Variants in TSPAN18 observed in about 807,000 individuals in gnomAD.
TSPAN18 encodes the protein tetraspanin-18.
In TSPAN18, 14 loss-of-function variants were observed where a neutral mutation model predicts 27.3. That is an observed-to-expected ratio of 0.51 (90% confidence interval 0.34 to 0.80). The LOEUF (loss-of-function observed/expected upper bound fraction) is 0.80. Ranked by LOEUF, TSPAN18 falls within the 30% of genes least tolerant of loss-of-function variation. TSPAN18 has a pLI of 0.01. For missense variants in TSPAN18, 268 were observed against 323.9 expected, an observed-to-expected ratio of 0.83 and a Z score of 1.32; for synonymous variants, 143 against 136.5, an observed-to-expected ratio of 1.05 and a Z score of -0.33.
chr11:44,875,470 T>A (rs1858304894), intron 3 of TSPAN18, among the ~76,000 whole-genome samples: 1 of 152,168 alleles, frequency 6.6e-6, no homozygotes, highest in Non-Finnish European at 1.5e-5. Context: ...CACCAGGAAA[T>A]CTTACCTACC....
chr11:44,863,430 G>GCCT (rs1310055792), intron 3 of TSPAN18, among the ~76,000 whole-genome samples: 2 of 152,204 alleles, frequency 1.3e-5, no homozygotes, highest in African/African-American at 4.8e-5. Context: ...GTTTAGTAGC[G>GCCT]CCTCCCTTTT....
At chr11:44,878,714 G>A (rs1858408139) in intron 3 of TSPAN18, among the ~76,000 whole-genome samples, 1 of 152,128 alleles carries the variant, frequency 6.6e-6, no homozygotes, top group Non-Finnish European at 1.5e-5. Context: ...AAAATATGTG[G>A]TATATTTTGG....
At chr11:44,743,624 T>C (rs4755285) in intron 1 of TSPAN18, among the ~76,000 whole-genome samples, 43,291 of 151,966 alleles carry the variant, frequency 0.28, 8,233 homozygotes, top group East Asian at 0.79. Context: ...CTAGGAAATC[T>C]CCAGCTTTCA....
intron 1 of TSPAN18, among the ~76,000 whole-genome samples, chr11:44,744,983 G>A (rs561762820): frequency 2.6e-5 from 4 of 151,778 alleles, no homozygotes; most frequent in Admixed American, 1.3e-4. Flanking sequence ...TGTCATGGTT[G>A]GAGGAGGGTG....
At chr11:44,825,650 A>ATC (rs1857024290) in intron 2 of TSPAN18, among the ~76,000 whole-genome samples, 1 of 152,206 alleles carries the variant, frequency 6.6e-6, no homozygotes, top group South Asian at 2.1e-4. Context: ...CCATGCAGCT[A>ATC]TCTCCTTACA....
chr11:44,751,383 A>G (rs910031463), intron 1 of TSPAN18, among the ~76,000 whole-genome samples: 1 of 152,106 alleles, frequency 6.6e-6, no homozygotes, highest in African/African-American at 2.4e-5. Flanking sequence ...GCTGGCTCTT[A>G]CTGCATGAAT....
At chr11:44,789,713 A>G (rs911066443) in intron 2 of TSPAN18, among the ~76,000 whole-genome samples, 1 of 152,080 alleles carries the variant, frequency 6.6e-6, no homozygotes, top group African/African-American at 2.4e-5. Flanking sequence ...GAATGAGAAG[A>G]AAAAAAATAC....
intron 2 of TSPAN18, among the ~76,000 whole-genome samples, chr11:44,801,889 G>A (rs929653810): frequency 6.6e-6 from 1 of 152,070 alleles, no homozygotes; most frequent in African/African-American, 2.4e-5. Context: ...AACATCAGCT[G>A]GGTGTGGTGG....
In TSPAN18 at chr11:44,784,204, G is replaced by C. The variant is rs560399306; in HGVS notation, c.-153+19692G>C. On this transcript the variant is annotated intron_variant, in intron 2 of 9. Transcript: ENST00000520358. ...GTCCCAGATCCAGAGTCCCCTTCTG[G>C]GGCAGACATTCCTGCCTTAGCTTCT... Among the ~76,000 whole-genome samples the C allele has an allele frequency of 6.6e-5, 10 of 152,274 alleles. 1 individual carries two copies. The South Asian group carries it at 1.9e-3, about 28-fold the overall frequency.
chr11:44,928,997 A>T, intron 9 of TSPAN18, 134 bp from the exon 10 acceptor site: 1 of 1,133,034 alleles, frequency 8.8e-7, no homozygotes, highest in South Asian at 1.3e-5. Context: ...GCCCCAGGGG[A>T]ATGTCAGGAA....
At chr11:44,898,879 C>CA (rs760795885) in intron 3 of TSPAN18, among the ~76,000 whole-genome samples, 21 of 152,308 alleles carry the variant, frequency 1.4e-4, no homozygotes, top group East Asian at 1.2e-3. Flanking sequence ...GAATGTGTGT[C>CA]ACATTCAAAC....
rs576919630 is a variant in TSPAN18, at chr11:44,926,728, G to T, written c.670G>T (p.Ala224Ser). ...TFETYVYLAG[A>S]LAIGVLAIEL... ...CGAGACCTACGTCTACTTGGCCGGA[G>T]CCCTTGCCATCGGGGTACTGGCCAT... Residue 224 changes from alanine (A) to serine (S), a missense_variant, in exon 9 of 10, where the codon GCC becomes TCC. By Grantham distance (99) the Ala-to-Ser change is moderately conservative. Coordinates refer to ENST00000520358, the MANE Select transcript of TSPAN18 (RefSeq NM_130783.5). The T allele has an allele frequency of 1.2e-6, 2 of 1,614,172 alleles. No individual in the cohort carries two copies. The highest frequency in any genetic ancestry group is 1.7e-6 in the Non-Finnish European group (2 of 1,180,004).
At chr11:44,785,332 C>T (rs759605964) in intron 2 of TSPAN18, among the ~76,000 whole-genome samples, 10 of 152,032 alleles carry the variant, frequency 6.6e-5, no homozygotes, top group Middle Eastern at 3.2e-3. Flanking sequence ...TTTTCACATC[C>T]GTTACTTTAA....
intron 2 of TSPAN18, among the ~76,000 whole-genome samples, chr11:44,767,564 A>T (rs1855597474): frequency 6.6e-6 from 1 of 152,224 alleles, no homozygotes; most frequent in South Asian, 2.1e-4. Flanking sequence ...CCCTGCCCAT[A>T]GGGCCTGAGG....
At chr11:44,909,275 CAG>C (rs1200008525) in intron 4 of TSPAN18, among the ~76,000 whole-genome samples, 2 of 152,154 alleles carry the variant, frequency 1.3e-5, no homozygotes, top group African/African-American at 2.4e-5. Context: ...AGGCTGGAGT[CAG>C]GGGGCCTGCG....
At chr11:44,849,824 T>G (rs1857559809) in intron 2 of TSPAN18, among the ~76,000 whole-genome samples, 1 of 152,196 alleles carries the variant, frequency 6.6e-6, no homozygotes, top group African/African-American at 2.4e-5. Context: ...GGTCTCAGTT[T>G]AAAGACCCCT....
Position 44,727,232 on chromosome 11 carries a change from T to A in TSPAN18, c.-295T>A, listed in dbSNP as rs971887143. The A allele has an allele frequency of 1.3e-5, 2 of 151,228 alleles. No individual in the cohort carries two copies. The highest frequency in any genetic ancestry group is 3.0e-5 in the Non-Finnish European group (2 of 67,632). The allele number at this position is 151,228 out of a possible 1,614,324, so 9.4% of individuals were successfully genotyped here. On this transcript the variant is annotated 5_prime_UTR_variant, in exon 1 of 10. Transcript: ENST00000520358. ...GAGCGCGCCCCTCCGACCAGGAAAG[T>A]TTCCCCCCGGCCGCCGGCGGGATTT...
intron 2 of TSPAN18, among the ~76,000 whole-genome samples, chr11:44,825,859 C>T (rs1857029567): frequency 6.6e-6 from 1 of 152,192 alleles, no homozygotes; most frequent in Non-Finnish European, 1.5e-5. Context: ...CTCGCTCTGT[C>T]TACTGTCTAC....
chr11:44,896,756 A>G (rs1028461060), intron 3 of TSPAN18, among the ~76,000 whole-genome samples: 5 of 151,866 alleles, frequency 3.3e-5, no homozygotes, highest in Non-Finnish European at 7.4e-5. Flanking sequence ...CCCTGCTGTT[A>G]TCTGCCTCCT....
Sources: allele counts gnomAD v4.1 joint callset (sites outside exome capture counted in the v4.1 genomes callset), GRCh38; gene constraint gnomAD v4.1.1; transcripts MANE v1.5; gene names NCBI Gene and HGNC (gene_info 2026-07-23, HGNC 2026-07-21).